Variants in RTKN2 observed in about 807,000 individuals in gnomAD.
RTKN2 encodes the protein rhotekin 2, also known as rhotekin-2.
RTKN2 carries 69 observed loss-of-function variants against 71.5 expected under a neutral mutation model. That is an observed-to-expected ratio of 0.96 (90% CI 0.79 to 1.18). RTKN2 has a LOEUF of 1.18. Among genes scored for constraint, RTKN2 ranks in the 50% most tolerant of loss-of-function variants. The pLI is 0.00. For synonymous variants in RTKN2, 236 were observed against 236.5 expected (o/e 1.00, Z 0.02); for missense variants, 724 against 719.7 (o/e 1.01, Z -0.07).
At chr10:62,190,061 A>G (rs928834551), downstream of RTKN2, among the ~76,000 whole-genome samples, 8 of 152,104 alleles carry the variant, frequency 5.3e-5, no homozygotes, top group African/African-American at 1.9e-4. Context: ...GAGTCTATCT[A>G]GGTTTACATA....
chr10:62,220,662 GGA>G (rs1841886280), intron 7 of RTKN2, among the ~76,000 whole-genome samples: 1 of 152,072 alleles, frequency 6.6e-6, no homozygotes, highest in Non-Finnish European at 1.5e-5. Flanking sequence ...CAAACAGGTA[GGA>G]GAGATTTTGT....
chr10:62,203,014 G>T (rs1393909295), intron 10 of RTKN2, among the ~76,000 whole-genome samples: 1 of 152,060 alleles, frequency 6.6e-6, no homozygotes, highest in African/African-American at 2.4e-5. Context: ...TACAATATTA[G>T]TTGGGCGTGG....
chr10:62,240,151 T>G (rs1170763126), intron 4 of RTKN2, among the ~76,000 whole-genome samples: 2 of 151,752 alleles, frequency 1.3e-5, no homozygotes, highest in Non-Finnish European at 2.9e-5. Context: ...TTTCCAAGTC[T>G]ATTTAAGAAA....
At chr10:62,227,461 A>T (rs1842052159) in intron 6 of RTKN2, among the ~76,000 whole-genome samples, 1 of 152,150 alleles carries the variant, frequency 6.6e-6, no homozygotes, top group Admixed American at 6.6e-5. Context: ...AGGTGAGTAC[A>T]TGCTAGGTGT....
intron 1 of RTKN2, among the ~76,000 whole-genome samples, chr10:62,264,696 G>C (rs755828237): frequency 2.1e-4 from 32 of 152,158 alleles, no homozygotes; most frequent in Non-Finnish European, 4.0e-4. Flanking sequence ...CAATGAAACA[G>C]GCAGTTGAAC....
Position 62,217,203 on chromosome 10 carries a change from A to G in RTKN2, c.935T>C (p.Leu312Ser). The change falls in exon 9 of 12, where the codon TTG becomes TCG. Residue 312 changes from leucine to serine, a missense_variant. By Grantham distance (145) the Leu-to-Ser change is moderately radical. Coordinates refer to ENST00000373789, the MANE Select transcript of RTKN2 (RefSeq NM_145307.4). ...LISWRRLYCV[L>S]RGGKLYCFYS... is the part of the protein sequence containing the mutation. ...AAAACAATAGAGTTTACCTCCTCGC[A>G]AAACACAATACAACCTTCTCCAACT... The G allele has an allele frequency of 1.2e-6, 2 of 1,603,302 alleles. No homozygotes were observed. Among genetic ancestry groups the G allele is most frequent in the Non-Finnish European group, 1.7e-6 (2 of 1,174,884 alleles).
At chr10:62,252,685 A>T (rs1435507233) in intron 2 of RTKN2, among the ~76,000 whole-genome samples, 1 of 152,026 alleles carries the variant, frequency 6.6e-6, no homozygotes, top group East Asian at 1.9e-4. Context: ...AAAAAATGAT[A>T]TTACTAAAAG....
chr10:62,247,925 T>C (rs1454998059), intron 2 of RTKN2, among the ~76,000 whole-genome samples: 1 of 152,088 alleles, frequency 6.6e-6, no homozygotes, highest in Non-Finnish European at 1.5e-5. Context: ...TTAAGTATTA[T>C]GGAATAGGTC....
At chr10:62,256,046 T>G (rs1312667046) in intron 2 of RTKN2, among the ~76,000 whole-genome samples, 2 of 147,364 alleles carry the variant, frequency 1.4e-5, no homozygotes, top group Non-Finnish European at 3.0e-5. Flanking sequence ...TGAGACAGGG[T>G]CTTACTCTGA....
intron 3 of RTKN2, among the ~76,000 whole-genome samples, chr10:62,244,336 A>G (rs1269219037): frequency 2.6e-5 from 4 of 152,226 alleles, no homozygotes; most frequent in Non-Finnish European, 5.9e-5. Flanking sequence ...TTTGGAAAGA[A>G]GAAACACATG....
chr10:62,206,492 T>C (rs536257778), intron 9 of RTKN2, among the ~76,000 whole-genome samples: 19 of 152,186 alleles, frequency 1.2e-4, no homozygotes, highest in African/African-American at 3.9e-4. Flanking sequence ...AATTCCCTTC[T>C]GAAGGAATAA....
chr10:62,245,189 C>T (rs1842454474), intron 3 of RTKN2, among the ~76,000 whole-genome samples: 1 of 151,984 alleles, frequency 6.6e-6, no homozygotes, highest in Non-Finnish European at 1.5e-5. Context: ...TGAGACTGCA[C>T]AGCATAAGTG....
intron 11 of RTKN2, among the ~76,000 whole-genome samples, chr10:62,199,089 A>T (rs1285433270): frequency 6.6e-6 from 1 of 152,220 alleles, no homozygotes; most frequent in East Asian, 1.9e-4. Context: ...AATTACTGGT[A>T]TTTTAAAATG....
chr10:62,207,455 A>G (rs575331951), intron 9 of RTKN2, among the ~76,000 whole-genome samples: 59 of 152,244 alleles, frequency 3.9e-4, no homozygotes, highest in African/African-American at 1.1e-3. Context: ...TTGAAGAAAA[A>G]GTGATTAATA....
chr10:62,224,349 GATATA>G (rs1304914029), intron 6 of RTKN2, among the ~76,000 whole-genome samples: 3 of 151,938 alleles, frequency 2.0e-5, no homozygotes, highest in South Asian at 4.2e-4. Flanking sequence ...AAAAAATTTA[GATATA>G]ATAGATGACA....
intron 9 of RTKN2, among the ~76,000 whole-genome samples, chr10:62,213,784 G>T (rs189721160): frequency 6.6e-6 from 1 of 152,160 alleles, no homozygotes; most frequent in East Asian, 1.9e-4. Flanking sequence ...TAGGTGGTAT[G>T]TATATGGGCC....
intron 9 of RTKN2, among the ~76,000 whole-genome samples, chr10:62,215,956 T>C (rs1347386207): frequency 6.6e-6 from 1 of 151,984 alleles, no homozygotes; most frequent in Non-Finnish European, 1.5e-5. Context: ...ATAATACTGA[T>C]GTATTATGTC....
chr10:62,249,231 T>C (rs1347629934), intron 2 of RTKN2, among the ~76,000 whole-genome samples: 2 of 152,140 alleles, frequency 1.3e-5, no homozygotes, highest in African/African-American at 4.8e-5. Context: ...CAAAATTATT[T>C]TGGCAATATT....
chr10:62,186,149 C>T (rs1342131963), intron 8 of RTKN2, among the ~76,000 whole-genome samples: 1 of 152,224 alleles, frequency 6.6e-6, no homozygotes, highest in Non-Finnish European at 1.5e-5. Context: ...CCTTTGTTTG[C>T]TCCATGCCTT....
Sources: allele counts gnomAD v4.1 joint callset (sites outside exome capture counted in the v4.1 genomes callset), GRCh38; gene constraint gnomAD v4.1.1; transcripts MANE v1.5; gene names NCBI Gene and HGNC (gene_info 2026-07-23, HGNC 2026-07-21).